ZCCHC7: variants seen among roughly 807,000 people sequenced by gnomAD.
ZCCHC7 encodes zinc finger CCHC domain-containing protein 7.
ZCCHC7 carries 35 observed loss-of-function variants against 52.0 expected under a neutral mutation model. The observed-to-expected ratio is 0.67, with a 90% confidence interval of 0.51 to 0.89. ZCCHC7 has a LOEUF of 0.89. Among genes scored for constraint, ZCCHC7 ranks in the 40% least tolerant of loss-of-function variants. The probability of loss-of-function intolerance (pLI) is 0.00; values close to 1 mark genes in which losing one functional copy is unlikely to be tolerated. For missense variants in ZCCHC7, 574 were observed against 649.1 expected, an observed-to-expected ratio of 0.88 and a Z score of 1.26; for synonymous variants, 217 against 221.5, an observed-to-expected ratio of 0.98 and a Z score of 0.18.
chr9:37,309,050 T>A (rs1829472522), intron 5 of ZCCHC7, among the ~76,000 whole-genome samples: 1 of 150,992 alleles, frequency 6.6e-6, no homozygotes, highest in Non-Finnish European at 1.5e-5. Flanking sequence ...TAAAATAGGG[T>A]TGGGCTGTGA....
chr9:37,278,030 G>GTTT (rs892695844), intron 2 of ZCCHC7, among the ~76,000 whole-genome samples: 10 of 72,546 alleles, frequency 1.4e-4, no homozygotes, highest in South Asian at 9.2e-4. Flanking sequence ...GTGTGTGTGT[G>GTTT]TGTGTGTTTT....
intron 5 of ZCCHC7, among the ~76,000 whole-genome samples, chr9:37,318,814 G>A (rs1335980741): frequency 3.9e-5 from 6 of 152,006 alleles, no homozygotes; most frequent in Non-Finnish European, 7.4e-5. Flanking sequence ...TTGGGAGGCT[G>A]AGGCAGGAGA....
rs147770815 is a variant in ZCCHC7 at position 37,189,562 on chromosome 9, A to G, written c.610+62620A>G. Among the ~76,000 whole-genome samples, 167 of 152,032 alleles carry G rather than the reference A, an allele frequency of 1.1e-3. 2 individuals are homozygous for G. Among genetic ancestry groups the G allele is most frequent in the Middle Eastern group, 3.4e-3 (1 of 294 alleles). Reference sequence around the variant, plus strand: ...CTACCACACCCAGCTAATTTTTTCTATTTTTAGTAGAGACGCGGTTTCACC... The same window carrying G: ...CTACCACACCCAGCTAATTTTTTCTGTTTTTAGTAGAGACGCGGTTTCACC... On this transcript the variant is annotated intron_variant, in intron 2 of 8. Coordinates refer to ENST00000336755, the MANE Select transcript of ZCCHC7 (RefSeq NM_032226.3).
At chr9:37,217,352 C>T (rs1564185164) in intron 2 of ZCCHC7, among the ~76,000 whole-genome samples, 1 of 152,022 alleles carries the variant, frequency 6.6e-6, no homozygotes. Flanking sequence ...TGTTATTTCA[C>T]AATAATTTTT....
chr9:37,303,637 T>G (rs1166116122), intron 3 of ZCCHC7, among the ~76,000 whole-genome samples: 1 of 150,396 alleles, frequency 6.6e-6, no homozygotes. Flanking sequence ...TGGCACCTCC[T>G]TTTATGTTTT....
chr9:37,240,820 TTTGTTA>T (rs1319077858), intron 2 of ZCCHC7, among the ~76,000 whole-genome samples: 1 of 151,772 alleles, frequency 6.6e-6, no homozygotes, highest in Admixed American at 6.6e-5. Context: ...TCATTTTGTG[TTTGTTA>T]TTGTTAAGAA....
At chr9:37,232,693 T>C (rs139457386) in intron 2 of ZCCHC7, among the ~76,000 whole-genome samples, 12 of 152,342 alleles carry the variant, frequency 7.9e-5, no homozygotes, top group Admixed American at 7.8e-4. Flanking sequence ...CCAAAGCCTT[T>C]GGTAAATTTT....
chr9:37,299,331 A>G (rs779417853), intron 2 of ZCCHC7, among the ~76,000 whole-genome samples: 4 of 152,204 alleles, frequency 2.6e-5, no homozygotes, highest in African/African-American at 9.7e-5. Flanking sequence ...GTGACAATGT[A>G]TATAATTCCA....
At chr9:37,314,749 TAAAAAAAAAAA>T (rs34853130) in intron 5 of ZCCHC7, among the ~76,000 whole-genome samples, 1 of 120,832 alleles carries the variant, frequency 8.3e-6, no homozygotes, top group Non-Finnish European at 1.6e-5. Context: ...CGATCTCTTT[TAAAAAAAAAAA>T]AAAAAAAAAG....
chr9:37,193,707 AATGCAGTTTAT>A (rs1436083712), intron 2 of ZCCHC7, among the ~76,000 whole-genome samples: 2 of 152,162 alleles, frequency 1.3e-5, no homozygotes, highest in African/African-American at 4.8e-5. Context: ...GCTACCAATT[AATGCAGTTTAT>A]ATGCAGTTTC....
intron 2 of ZCCHC7, among the ~76,000 whole-genome samples, chr9:37,172,641 A>G (rs1051635509): frequency 1.3e-5 from 2 of 152,252 alleles, no homozygotes; most frequent in African/African-American, 2.4e-5. Flanking sequence ...TGGGCATTGC[A>G]TTATGGACTT....
intron 2 of ZCCHC7, among the ~76,000 whole-genome samples, chr9:37,294,218 G>A (rs540329858): frequency 2.6e-5 from 4 of 152,262 alleles, no homozygotes; most frequent in Admixed American, 2.6e-4. Context: ...TTTGAATGTG[G>A]CATTGTGTGT....
At chr9:37,301,854 C>T (rs1276349624) in intron 2 of ZCCHC7, among the ~76,000 whole-genome samples, 1 of 152,062 alleles carries the variant, frequency 6.6e-6, no homozygotes, top group Non-Finnish European at 1.5e-5. Context: ...TTGGGCCCTT[C>T]ACTGATTTTT....
intron 7 of ZCCHC7, among the ~76,000 whole-genome samples, chr9:37,351,880 T>C (rs1821402210): frequency 6.6e-6 from 1 of 152,238 alleles, no homozygotes; most frequent in African/African-American, 2.4e-5. Context: ...ATAGGAAATA[T>C]ATTAAAAGCA....
chr9:37,245,268 T>A (rs1157880462), intron 2 of ZCCHC7, among the ~76,000 whole-genome samples: 1 of 152,000 alleles, frequency 6.6e-6, no homozygotes, highest in East Asian at 1.9e-4. Flanking sequence ...TTGAAATGTT[T>A]CAATAGAAAG....
intron 2 of ZCCHC7, among the ~76,000 whole-genome samples, chr9:37,155,243 C>A (rs1349305281): frequency 6.6e-6 from 1 of 152,092 alleles, no homozygotes; most frequent in Non-Finnish European, 1.5e-5. Flanking sequence ...CGCACGTAGT[C>A]CCGGCTACTC....
chr9:37,198,642 AT>A, intron 2 of ZCCHC7, among the ~76,000 whole-genome samples: 1 of 152,268 alleles, frequency 6.6e-6, no homozygotes, highest in Admixed American at 6.5e-5. Context: ...TTCAGTTGGC[AT>A]ACTTATGTTG....
intron 2 of ZCCHC7, among the ~76,000 whole-genome samples, chr9:37,265,280 G>A (rs1042365974): frequency 1.3e-5 from 2 of 151,998 alleles, no homozygotes; most frequent in Non-Finnish European, 2.9e-5. Flanking sequence ...TTTAAATCAC[G>A]TTCCAGTTTA....
chr9:37,155,607 A>G (rs139658556), intron 2 of ZCCHC7, among the ~76,000 whole-genome samples: 33 of 152,308 alleles, frequency 2.2e-4, no homozygotes, highest in Admixed American at 7.8e-4. Context: ...AAGAACATTC[A>G]ATCTTCGTAA....
Sources: allele counts gnomAD v4.1 joint callset (sites outside exome capture counted in the v4.1 genomes callset), GRCh38; gene constraint gnomAD v4.1.1; transcripts MANE v1.5; gene names NCBI Gene and HGNC (gene_info 2026-07-23, HGNC 2026-07-21).